Variants in ZDHHC6 observed in about 807,000 individuals in gnomAD.
ZDHHC6 encodes the protein zDHHC palmitoyltransferase 6.
ZDHHC6 carries 32 observed loss-of-function variants against 57.8 expected under a neutral mutation model. The observed-to-expected ratio is 0.55, with a 90% CI of 0.42 to 0.74. The LOEUF (loss-of-function observed/expected upper bound fraction) is 0.74, where lower values mean the gene tolerates loss of function less well. Ranked by LOEUF, ZDHHC6 falls within the 30% of genes least tolerant of loss-of-function variation. ZDHHC6 has a pLI of 0.00. For synonymous variants in ZDHHC6, 128 were observed against 158.0 expected (o/e 0.81, Z 1.42); for missense variants, 433 against 500.7 (o/e 0.86, Z 1.29).
At chr10:112,438,092 G>A (rs781336962) in intron 6 of ZDHHC6, among the ~76,000 whole-genome samples, 2 of 152,270 alleles carry the variant, frequency 1.3e-5, no homozygotes, top group Admixed American at 6.5e-5. Context: ...AGGCCTCTGC[G>A]ACCACTCAGG....
In ZDHHC6 at chr10:112,442,309, G is replaced by T. The variant is rs1846190643; in HGVS notation, c.402C>A (p.Asn134Lys). The T allele has an allele frequency of 6.2e-7, 1 of 1,613,870 alleles. No individual in the cohort carries two copies. Among genetic ancestry groups the T allele is most frequent in the African/African-American group, 1.3e-5 (1 of 74,930 alleles). ...KMDHHCPWIN[N>K]CCGYQNHASF... ...AAGCATGATTTTGGTAACCACAACA[G>T]TTGTTGATCCAAGGACAGTGATGGT... Residue 134 changes from asparagine (N) to lysine (K), a missense_variant, in exon 4 of 11, where the codon AAC becomes AAA. Coordinates refer to ENST00000369405, the MANE Select transcript of ZDHHC6 (RefSeq NM_022494.3).
At chr10:112,442,386 A>T (rs776950998) in intron 3 of ZDHHC6, 35 bp from the exon 4 acceptor site, 8 of 1,588,042 alleles carry the variant, frequency 5.0e-6, no homozygotes, top group African/African-American at 2.7e-5. Context: ...CATGAGGCAG[A>T]AAATCCTGTC....
At chr10:112,435,981 G>A (rs1241878074) in intron 6 of ZDHHC6, among the ~76,000 whole-genome samples, 1 of 152,172 alleles carries the variant, frequency 6.6e-6, no homozygotes, top group Non-Finnish European at 1.5e-5. Context: ...GAGTATCCAG[G>A]AAGGGTCCTT....
chr10:112,442,406 T>TA lies in ZDHHC6; in HGVS notation c.360-56dup, dbSNP rs1236294339. ...GGCAGAAAATCCTGTCTACTTTAAA[T>TA]AACTTTGGTCTTCAAAAGATCAAGC... is the stretch of plus-strand genomic sequence containing the variant. On this transcript the variant is annotated intron_variant, in intron 3 of 10. Transcript: ENST00000369405. 7 of 1,549,332 alleles carry TA rather than the reference T, an allele frequency of 4.5e-6. No homozygotes were observed. In the African/African-American group the frequency reaches 9.6e-5, roughly 21 times the overall value.
At chr10:112,442,727 T>C (rs1285518055) in intron 3 of ZDHHC6, among the ~76,000 whole-genome samples, 1 of 152,292 alleles carries the variant, frequency 6.6e-6, no homozygotes, top group Non-Finnish European at 1.5e-5. Context: ...TGACCTACAA[T>C]AGAGACTCAA....
downstream of ZDHHC6, chr10:112,425,386 G>C (rs765946283): frequency 3.7e-6 from 6 of 1,613,198 alleles, no homozygotes; most frequent in Non-Finnish European, 5.1e-6. Flanking sequence ...TTTCAAGCTG[G>C]CCCAAGGAGA....
chr10:112,425,309 ATAC>A (rs770983732), downstream of ZDHHC6: 5 of 1,583,450 alleles, frequency 3.2e-6, no homozygotes, highest in African/African-American at 5.5e-5. Context: ...TGGCTCAAAA[ATAC>A]TGATACTTTT....
At chr10:112,428,802 C>A (rs1021906278), downstream of ZDHHC6, among the ~76,000 whole-genome samples, 4 of 151,696 alleles carry the variant, frequency 2.6e-5, no homozygotes, top group African/African-American at 4.8e-5. Context: ...AACAAAAAAA[C>A]CACTAATGCC....
chr10:112,429,655 C>T (rs1008303342), downstream of ZDHHC6, among the ~76,000 whole-genome samples: 1 of 152,188 alleles, frequency 6.6e-6, no homozygotes. Flanking sequence ...TTTAAGCATC[C>T]AAGCCCACCA....
At chr10:112,442,049 C>A (rs1049621159) in intron 4 of ZDHHC6, 143 bp downstream of exon 4, 51 of 939,620 alleles carry the variant, frequency 5.4e-5, no homozygotes, top group Middle Eastern at 3.5e-4. Flanking sequence ...TAAAAAGGAA[C>A]CCATATACCA....
At chr10:112,447,295 G>A, upstream of ZDHHC6, 10 of 1,503,418 alleles carry the variant, frequency 6.7e-6, no homozygotes, top group South Asian at 9.5e-5. Flanking sequence ...GGGTTCCTAA[G>A]CCGCGGGGCC....
intron 6 of ZDHHC6, among the ~76,000 whole-genome samples, chr10:112,437,529 T>C (rs2133841687): frequency 6.6e-6 from 1 of 152,352 alleles, no homozygotes; most frequent in South Asian, 2.1e-4. Flanking sequence ...TACCTACTTA[T>C]CTGTGTGAGG....
chr10:112,437,798 G>GT (rs1285780237), intron 6 of ZDHHC6, among the ~76,000 whole-genome samples: 1 of 152,190 alleles, frequency 6.6e-6, no homozygotes, highest in Non-Finnish European at 1.5e-5. Flanking sequence ...GACCCTGCAG[G>GT]TATTTGGGTT....
At chr10:112,428,124 G>C (rs962066522), downstream of ZDHHC6, 1 of 277,946 alleles carries the variant, frequency 3.6e-6, no homozygotes, top group African/African-American at 2.2e-5. Context: ...TGGAAGCTGT[G>C]GGGGAAGGAG....
intron 6 of ZDHHC6, among the ~76,000 whole-genome samples, chr10:112,435,161 A>T (rs549900886): frequency 6.6e-6 from 1 of 152,272 alleles, no homozygotes; most frequent in South Asian, 2.1e-4. Context: ...AGGCATTTAA[A>T]CTGTTAGCTT....
chr10:112,424,894 C>T lies in ZDHHC6; in HGVS notation c.*743G>A, dbSNP rs151031154. The stretch of plus-strand genomic sequence containing the variant: ...CAGTGGAGCTGTTTGAGCCTGCTCC[C>T]GGATCTAACAAGGAGGAAAACATAA... On this transcript the variant is annotated 3_prime_UTR_variant, in exon 12 of 12. Coordinates refer to the ZDHHC6 transcript ENST00000626395. 143 of 153,012 alleles carry T rather than the reference C, an allele frequency of 9.3e-4. 1 individual carries two copies. The highest frequency in any genetic ancestry group is 1.7e-3 in the Non-Finnish European group (120 of 68,658). The allele number at this position is 153,012 out of a possible 1,614,324, so 9.5% of individuals were successfully genotyped here.
At chr10:112,431,293 A>C (rs890993355) in intron 10 of ZDHHC6, among the ~76,000 whole-genome samples, 1 of 150,470 alleles carries the variant, frequency 6.6e-6, no homozygotes, top group African/African-American at 2.4e-5. Flanking sequence ...TCCTTTTTAG[A>C]CTTTTTCTAA....
chr10:112,434,422 C>T lies in ZDHHC6; in HGVS notation c.778G>A (p.Val260Ile). Reference protein sequence around the residue: ...IQYYQLDEVFVFPYDMGSRWR... With the variant: ...IQYYQLDEVFIFPYDMGSRWR... Reference sequence around the variant, plus strand: ...CTACTTCCCATATCATATGGAAAAACAAAGACTTCATCTAGTTGATAATAC... The same window carrying T: ...CTACTTCCCATATCATATGGAAAAATAAAGACTTCATCTAGTTGATAATAC... Residue 260 changes from valine to isoleucine, a missense_variant, in exon 7 of 11, where the codon GTT (valine) becomes ATT (isoleucine). Physicochemically the swap from Val to Ile is conservative, Grantham distance 29. Transcript: ENST00000369405. The T allele has an allele frequency of 1.2e-6, 2 of 1,613,830 alleles. No homozygotes were observed. Among genetic ancestry groups the T allele is most frequent in the Non-Finnish European group, 1.7e-6 (2 of 1,179,828 alleles).
At chr10:112,439,144 G>A (rs1845826931) in intron 5 of ZDHHC6, among the ~76,000 whole-genome samples, 1 of 152,102 alleles carries the variant, frequency 6.6e-6, no homozygotes. Flanking sequence ...AGCCGAGATC[G>A]TGCCATTGCA....
Sources: gnomAD v4.1 joint callset for allele counts (sites outside exome capture counted in the v4.1 genomes callset) on GRCh38, gnomAD v4.1.1 for gene constraint, MANE v1.5 for transcripts, NCBI Gene and HGNC (gene_info 2026-07-23, HGNC 2026-07-21) for gene names.